Variants in APEX1 observed in about 807,000 individuals in gnomAD.
APEX1 encodes the protein DNA repair nuclease/redox regulator APEX1.
Under a neutral mutation model 33.2 loss-of-function variants are expected in APEX1, and 32 were observed. The ratio of observed to expected loss-of-function variants is 0.96; its 90% CI spans 0.73 to 1.29. APEX1 has a LOEUF of 1.29. Ranked by LOEUF, APEX1 falls within the 50% of genes most tolerant of loss-of-function variation. The probability of loss-of-function intolerance (pLI) is 0.00; values close to 1 mark genes in which losing one functional copy is unlikely to be tolerated. For synonymous variants in APEX1, 175 were observed against 156.6 expected (o/e 1.12, Z -0.88); for missense variants, 442 against 395.6 (o/e 1.12, Z -0.99).
rs749118773 is a variant in APEX1 at position 20,456,707 on chromosome 14, G to A, written c.286G>A (p.Glu96Lys). 2.5e-5 allele frequency: 41 copies of A among 1,614,106 alleles called. No homozygotes were observed. The highest frequency in any genetic ancestry group is 3.1e-5 in the Non-Finnish European group (37 of 1,180,040). The stretch of plus-strand genomic sequence containing the variant: ...AGCCCCAGATATACTGTGCCTTCAA[G>A]AGACCAAATGTTCAGAGAACAAACT... The part of the protein sequence containing the change: ...EEAPDILCLQ[E>K]TKCSENKLPA... The change falls in exon 4 of 5, where the codon GAG becomes AAG. Residue 96 changes from glutamate to lysine, a missense_variant. By Grantham distance (56) the Glu-to-Lys change is moderately conservative. Coordinates refer to ENST00000216714, the MANE Select transcript of APEX1 (RefSeq NM_001641.4).
At chr14:20,455,773 GGTAA>G (rs972172172) in intron 2 of APEX1, 70 bp downstream of exon 2, 3 of 1,613,976 alleles carry the variant, frequency 1.9e-6, no homozygotes, top group Non-Finnish European at 1.7e-6. Flanking sequence ...CTTGATGTAC[GGTAA>G]GTACGGGCCG....
chr14:20,457,642 G>C lies in APEX1; in HGVS notation c.*134G>C, dbSNP rs1005375385. Reference sequence around the variant, plus strand: ...AGGAATCCTCCAACCAGGCTCCTGTGATAGAGTTCTTTTAAGCCCAAGATT... The same window carrying C: ...AGGAATCCTCCAACCAGGCTCCTGTCATAGAGTTCTTTTAAGCCCAAGATT... On this transcript the variant is annotated 3_prime_UTR_variant, in exon 5 of 5. Coordinates refer to ENST00000216714, the MANE Select transcript of APEX1 (RefSeq NM_001641.4). 14 of 1,308,488 alleles carry C rather than the reference G, an allele frequency of 1.1e-5. No homozygotes were observed. The highest frequency in any genetic ancestry group is 1.5e-5 in the Non-Finnish European group (14 of 925,166). 81.1% of individuals were successfully genotyped at this position (1,308,488 alleles called of 1,614,324 possible).
In APEX1 at chr14:20,455,717, A is replaced by G. The variant is rs1881290240; in HGVS notation, c.58+14A>G. 1 of 1,614,172 alleles carries G rather than the reference A, an allele frequency of 6.2e-7. No individual in the cohort carries two copies. The highest frequency in any genetic ancestry group is 8.5e-7 in the Non-Finnish European group (1 of 1,180,032). The stretch of plus-strand genomic sequence containing the variant: ...AGCTCAGGACAGGTAAGGGAATGAA[A>G]TCAGCCCTTCTTCCTAGAAGCTGCG... On this transcript the variant is annotated intron_variant, in intron 2 of 4. Coordinates refer to ENST00000216714, the MANE Select transcript of APEX1 (RefSeq NM_001641.4).
chr14:20,457,403 C>CT lies in APEX1; in HGVS notation c.857dup (p.Leu286PhefsTer12). On this transcript the variant is annotated frameshift_variant, in exon 5 of 5. Transcript: ENST00000216714. LOFTEE classifies it high-confidence loss of function. Reference sequence around the variant, plus strand: ...AGAATGTTGGTTGGCGCCTTGATTACTTTTTGTTGTCCCACTCTCTGTTAC... The same window carrying CT: ...AGAATGTTGGTTGGCGCCTTGATTACTTTTTTGTTGTCCCACTCTCTGTTAC... 6.2e-7 allele frequency: 1 copy of CT among 1,614,218 alleles called. No homozygotes were observed. The highest frequency in any genetic ancestry group is 8.5e-7 in the Non-Finnish European group (1 of 1,180,038).
chr14:20,456,118 G>A lies in APEX1; in HGVS notation c.246+17G>A. The A allele has an allele frequency of 6.2e-7, 1 of 1,612,844 alleles. No individual in the cohort carries two copies. Among genetic ancestry groups the A allele is most frequent in the Non-Finnish European group, 8.5e-7 (1 of 1,178,858 alleles). On this transcript the variant is annotated intron_variant, in intron 3 of 4. Transcript: ENST00000216714. ...GGATTAGATGTGAGTGGAATTTGAG[G>A]GAAAGAGACATTTTTTAGTATTGAA... is the stretch of plus-strand genomic sequence containing the variant.
At chr14:20,455,511 G>A in intron 1 of APEX1, 67 bp from the exon 2 acceptor site, 1 of 1,450,668 alleles carries the variant, frequency 6.9e-7, no homozygotes, top group Non-Finnish European at 9.5e-7. Context: ...GACCTGGTGC[G>A]GGGACGCTCT....
Position 20,456,016 on chromosome 14 carries a change from C to T in APEX1, c.161C>T (p.Ser54Leu). The T allele has an allele frequency of 6.2e-7, 1 of 1,614,218 alleles. No individual in the cohort carries two copies. The highest frequency in any genetic ancestry group is 8.5e-7 in the Non-Finnish European group (1 of 1,180,030). ...GAGGACCCCCCAGATCAGAAAACCTCACCCAGTGGCAAACCTGCCACACTC... is the reference window on the plus strand; with the variant it reads ...GAGGACCCCCCAGATCAGAAAACCTTACCCAGTGGCAAACCTGCCACACTC... ...LYEDPPDQKTSPSGKPATLKI... is the reference protein window; with the variant it reads ...LYEDPPDQKTLPSGKPATLKI... Residue 54 changes from serine to leucine, a missense_variant, in exon 3 of 5, where the codon TCA becomes TTA. Transcript: ENST00000216714.
rs1313382677 is a variant in APEX1 at position 20,455,666 on chromosome 14, G to T, written c.21G>T (p.Lys7Asn). Residue 7 changes from lysine to asparagine, a missense_variant, in exon 2 of 5, where the codon AAG becomes AAT. Lys to Asn is a moderately conservative substitution (Grantham distance 94). Transcript: ENST00000216714. MPKRGK[K>N]GAVAEDGDEL... Reference sequence around the variant, plus strand: ...CGGGAATGCCGAAGCGTGGGAAAAAGGGAGCGGTGGCGGAAGACGGGGATG... The same window carrying T: ...CGGGAATGCCGAAGCGTGGGAAAAATGGAGCGGTGGCGGAAGACGGGGATG... 6.2e-7 allele frequency: 1 copy of T among 1,614,052 alleles called. No individual in the cohort carries two copies. Among genetic ancestry groups the T allele is most frequent in the East Asian group, 2.2e-5 (1 of 44,890 alleles).
Position 20,455,911 on chromosome 14 carries a change from T to C in APEX1, c.59-3T>C. 1 of 1,614,044 alleles carries C rather than the reference T, an allele frequency of 6.2e-7. No homozygotes were observed. The highest frequency in any genetic ancestry group is 8.5e-7 in the Non-Finnish European group (1 of 1,179,990). On this transcript the variant is annotated splice_polypyrimidine_tract_variant and splice_region_variant and intron_variant, in intron 2 of 4. Transcript: ENST00000216714. ...TTGTCAGTATATATTACTCATTTTATAGAGCCAGAGGCCAAGAAGAGTAAG... is the reference window on the plus strand; with the variant it reads ...TTGTCAGTATATATTACTCATTTTACAGAGCCAGAGGCCAAGAAGAGTAAG...
At position 20,457,491 on chromosome 14, in the gene APEX1, C is replaced by G. The variant is rs1444490628; in HGVS notation, c.940C>G (p.Leu314Val). 6 of 1,614,002 alleles carry G rather than the reference C, an allele frequency of 3.7e-6. No homozygotes were observed. The highest frequency in any genetic ancestry group is 1.3e-5 in the African/African-American group (1 of 74,926). ...CGGCAGTGATCACTGTCCTATCACC[C>G]TATACCTAGCACTGTGACACCACCC... The part of the protein sequence containing the change: ...ALGSDHCPIT[L>V]YLAL Residue 314 changes from leucine (L) to valine (V), a missense_variant, in exon 5 of 5, where the codon CTA (leucine) becomes GTA (valine). Coordinates refer to ENST00000216714, the MANE Select transcript of APEX1 (RefSeq NM_001641.4).
At chr14:20,455,846 T>C in intron 2 of APEX1, 68 bp from the exon 3 acceptor site, 1 of 1,613,728 alleles carries the variant, frequency 6.2e-7, no homozygotes, top group Non-Finnish European at 8.5e-7. Flanking sequence ...TCGTTGGGTC[T>C]ATAGTTAACG....
chr14:20,457,437 T>C lies in APEX1; in HGVS notation c.886T>C (p.Cys296Arg). 1 of 1,614,214 alleles carries C rather than the reference T, an allele frequency of 6.2e-7. No homozygotes were observed. The highest frequency in any genetic ancestry group is 8.5e-7 in the Non-Finnish European group (1 of 1,180,036). The part of the protein sequence containing the change: ...LLSHSLLPAL[C>R]DSKIRSKALG... ...GTCCCACTCTCTGTTACCTGCATTG[T>C]GTGACAGCAAGATCCGTTCCAAGGC... Residue 296 changes from cysteine (C) to arginine (R), a missense_variant, in exon 5 of 5, where the codon TGT (cysteine) becomes CGT (arginine). By Grantham distance (180) the Cys-to-Arg change is radical. Coordinates refer to ENST00000216714, the MANE Select transcript of APEX1 (RefSeq NM_001641.4).
chr14:20,455,728 T>G, intron 2 of APEX1, 25 bp downstream of exon 2: 1 of 1,614,204 alleles, frequency 6.2e-7, no homozygotes, highest in South Asian at 1.1e-5. Context: ...TCAGCCCTTC[T>G]TCCTAGAAGC....
Position 20,457,420 on chromosome 14 carries a change from C to A in APEX1, c.869C>A (p.Ser290Tyr). The A allele has an allele frequency of 6.2e-7, 1 of 1,614,178 alleles. No homozygotes were observed. The highest frequency in any genetic ancestry group is 1.1e-5 in the South Asian group (1 of 91,084). Residue 290 changes from serine (S) to tyrosine (Y), a missense_variant, in exon 5 of 5, where the codon TCT becomes TAT. By Grantham distance (144) the Ser-to-Tyr change is moderately radical. Transcript: ENST00000216714. ...WRLDYFLLSH[S>Y]LLPALCDSKI... Reference sequence around the variant, plus strand: ...CTTGATTACTTTTTGTTGTCCCACTCTCTGTTACCTGCATTGTGTGACAGC... The same window carrying A: ...CTTGATTACTTTTTGTTGTCCCACTATCTGTTACCTGCATTGTGTGACAGC...
Position 20,455,927 on chromosome 14 carries a change from G to A in APEX1, c.72G>A (p.Lys24=). 3 of 1,614,166 alleles carry A rather than the reference G, an allele frequency of 1.9e-6. No individual in the cohort carries two copies. Among genetic ancestry groups the A allele is most frequent in the Non-Finnish European group, 2.5e-6 (3 of 1,180,020 alleles). Residue 24 remains lysine, a synonymous_variant, in exon 3 of 5, where the codon AAG becomes AAA. Coordinates refer to ENST00000216714, the MANE Select transcript of APEX1 (RefSeq NM_001641.4). ...GDELRTEPEA[K]KSKTAAKKND... The stretch of plus-strand genomic sequence containing the variant: ...CTCATTTTATAGAGCCAGAGGCCAA[G>A]AAGAGTAAGACGGCCGCAAAGAAAA...
rs764472757 is a variant in APEX1, at chr14:20,457,025, T to C, written c.474T>C (p.Ile158=). The change falls in exon 5 of 5, where the codon ATT becomes ATC. Residue 158 remains isoleucine, a synonymous_variant. Coordinates refer to ENST00000216714, the MANE Select transcript of APEX1 (RefSeq NM_001641.4). ...DEEHDQEGRV[I]VAEFDSFVLV... ...AGCATGATCAGGAAGGCCGGGTGAT[T>C]GTGGCTGAATTTGACTCGTTTGTGC... The C allele has an allele frequency of 4.3e-6, 7 of 1,614,078 alleles. No individual in the cohort carries two copies. Among genetic ancestry groups the C allele is most frequent in the Non-Finnish European group, 5.9e-6 (7 of 1,180,022 alleles).
chr14:20,456,734 C>G lies in APEX1; in HGVS notation c.313C>G (p.Pro105Ala). Reference protein sequence around the residue: ...QETKCSENKLPAELQELPGLS... With the variant: ...QETKCSENKLAAELQELPGLS... ...GACCAAATGTTCAGAGAACAAACTACCAGCTGAACTTCAGGAGCTGCCTGG... is the reference window on the plus strand; with the variant it reads ...GACCAAATGTTCAGAGAACAAACTAGCAGCTGAACTTCAGGAGCTGCCTGG... Residue 105 changes from proline (P) to alanine (A), a missense_variant, in exon 4 of 5, where the codon CCA (proline) becomes GCA (alanine). By Grantham distance (27) the Pro-to-Ala change is conservative. Transcript: ENST00000216714. 4 of 1,614,226 alleles carry G rather than the reference C, an allele frequency of 2.5e-6. No homozygotes were observed. In the South Asian group the frequency reaches 4.4e-5, roughly 18 times the overall value.
In APEX1 at chr14:20,455,987, G is replaced by A. The variant is rs1881314123; in HGVS notation, c.132G>A (p.Leu44=). The A allele has an allele frequency of 6.2e-7, 1 of 1,614,090 alleles. No homozygotes were observed. The highest frequency in any genetic ancestry group is 8.5e-7 in the Non-Finnish European group (1 of 1,180,050). ...DKEAAGEGPA[L]YEDPPDQKTS... ...AGGCAGCAGGAGAGGGCCCAGCCCT[G>A]TATGAGGACCCCCCAGATCAGAAAA... The change falls in exon 3 of 5, where the codon CTG becomes CTA. Residue 44 remains leucine (L), a synonymous_variant. Coordinates refer to ENST00000216714, the MANE Select transcript of APEX1 (RefSeq NM_001641.4).
At chr14:20,456,128 A>AT (rs750584412) in intron 3 of APEX1, 27 bp downstream of exon 3, 3 of 1,608,830 alleles carry the variant, frequency 1.9e-6, no homozygotes. Context: ...GGAAAGAGAC[A>AT]TTTTTTAGTA....
Sources: gnomAD v4.1 joint callset for allele counts on GRCh38, gnomAD v4.1.1 for gene constraint, MANE v1.5 for transcripts, NCBI Gene and HGNC (gene_info 2026-07-23, HGNC 2026-07-21) for gene names.